Variants in SKIL observed in about 807,000 individuals in gnomAD.
SKIL encodes ski-like protein.
SKIL carries 20 observed loss-of-function variants against 69.6 expected under a neutral mutation model. The ratio of observed to expected loss-of-function variants is 0.29; its 90% confidence interval spans 0.20 to 0.42. SKIL has a LOEUF of 0.42. Among genes scored for constraint, SKIL ranks in the 10% least tolerant of loss-of-function variants. The pLI, the probability that SKIL is intolerant of heterozygous loss-of-function variation, is 1.00. For synonymous variants in SKIL, 310 were observed against 279.9 expected, an observed-to-expected ratio of 1.11 and a Z score of -1.08; for missense variants, 745 against 783.1, an observed-to-expected ratio of 0.95 and a Z score of 0.58.
intron 2 of SKIL, among the ~76,000 whole-genome samples, chr3:170,370,633 G>A (rs1440048938): frequency 2.0e-5 from 3 of 152,062 alleles, no homozygotes; most frequent in African/African-American, 2.4e-5. Flanking sequence ...CCAGCATTTC[G>A]TTTTTATTTG....
At position 170,361,341 on chromosome 3, in the gene SKIL, G is replaced by A; in HGVS notation, c.1010G>A (p.Gly337Glu). The change falls in exon 2 of 7, where the codon GGA becomes GAA. Residue 337 changes from glycine (G) to glutamate (E), a missense_variant. Gly to Glu is a moderately conservative substitution (Grantham distance 98). Transcript: ENST00000259119. ...CTTCATGTGAACCAAAAATACTTAG[G>A]AACACCTGAAGAAAAGAAACTGAAG... ...CYLHVNQKYL[G>E]TPEEKKLKII... 2 of 1,612,922 alleles carry A rather than the reference G, an allele frequency of 1.2e-6. No individual in the cohort carries two copies. The highest frequency in any genetic ancestry group is 1.7e-6 in the Non-Finnish European group (2 of 1,179,712).
intron 3 of SKIL, among the ~76,000 whole-genome samples, chr3:170,383,766 C>T (rs185997422): frequency 1.1e-4 from 17 of 152,230 alleles, no homozygotes; most frequent in African/African-American, 3.9e-4. Flanking sequence ...CTCACTGAGC[C>T]TCCTGTGAGT....
At chr3:170,391,318 TTCTC>T (rs1737905675) in intron 6 of SKIL, 58 bp downstream of exon 6, 1 of 1,000,518 alleles carries the variant, frequency 1.0e-6, no homozygotes, top group Admixed American at 2.6e-5. Context: ...AAACTGTTAC[TTCTC>T]TCTTTTTTTT....
rs562076157 is a variant in SKIL at position 170,370,067 on chromosome 3, G to C, written c.1098+8638G>C. 2.6e-5 allele frequency among the ~76,000 whole-genome samples: 4 copies of C among 151,778 alleles called. No homozygotes were observed. In the South Asian group the frequency reaches 8.3e-4, roughly 32 times the overall value. On this transcript the variant is annotated intron_variant, in intron 2 of 6. Coordinates refer to ENST00000259119, the MANE Select transcript of SKIL (RefSeq NM_005414.5). Reference sequence around the variant, plus strand: ...ATCCTGGCTAACATGGTGAAACCCCGTCTCTACTAAAAATACAAAAAATTA... The same window carrying C: ...ATCCTGGCTAACATGGTGAAACCCCCTCTCTACTAAAAATACAAAAAATTA...
chr3:170,370,765 C>T (rs903363718), intron 2 of SKIL, among the ~76,000 whole-genome samples: 4 of 151,784 alleles, frequency 2.6e-5, no homozygotes, highest in Admixed American at 6.6e-5. Context: ...CATAGTTTGA[C>T]CCTGTCTTTA....
At chr3:170,381,906 C>G (rs910883383) in intron 3 of SKIL, among the ~76,000 whole-genome samples, 2 of 151,392 alleles carry the variant, frequency 1.3e-5, no homozygotes, top group Non-Finnish European at 2.9e-5. Context: ...ACAGTGAAAC[C>G]CTGTCTCTAC....
At chr3:170,389,104 C>T (rs1340671843) in intron 4 of SKIL, among the ~76,000 whole-genome samples, 1 of 151,902 alleles carries the variant, frequency 6.6e-6, no homozygotes, top group Non-Finnish European at 1.5e-5. Flanking sequence ...AACTCCTGAC[C>T]TCAGGTAATC....
Position 170,395,889 on chromosome 3 carries a change from A to C in SKIL, c.*3472A>C, listed in dbSNP as rs916463408. 1 of 149,210 alleles carries C rather than the reference A, an allele frequency of 6.7e-6. No homozygotes were observed. 9.2% of individuals were successfully genotyped at this position (149,210 alleles called of 1,614,324 possible). A position where few individuals can be genotyped will look rare whatever the true frequency, so the allele number is the denominator to read the frequency against. On this transcript the variant is annotated 3_prime_UTR_variant, in exon 7 of 7. Coordinates refer to ENST00000259119, the MANE Select transcript of SKIL (RefSeq NM_005414.5). ...ATAAGGGACATAAAACTGCTGTATT[A>C]TACATTGTGGAATTGAATAAACAGC...
At chr3:170,364,481 G>T (rs957788407) in intron 2 of SKIL, among the ~76,000 whole-genome samples, 4 of 151,886 alleles carry the variant, frequency 2.6e-5, no homozygotes, top group East Asian at 1.9e-4. Flanking sequence ...CCACCACCAT[G>T]CCTAGCTTGT....
Position 170,357,758 on chromosome 3 carries a change from GCACA to G in SKIL, c.-638_-635del. ...CGAGCGGCGACGGCGGCGGCGGCGGGCACAGGTGCGGCTCCGGCTTACGGCGGCG... is the reference window on the plus strand; with the variant it reads ...CGAGCGGCGACGGCGGCGGCGGCGGGGGTGCGGCTCCGGCTTACGGCGGCG... On this transcript the variant is annotated splice_region_variant and 5_prime_UTR_variant, in exon 1 of 7. Transcript: ENST00000259119. The G allele has an allele frequency of 6.1e-6, 1 of 165,228 alleles. No individual in the cohort carries two copies. Among genetic ancestry groups the G allele is most frequent in the Non-Finnish European group, 1.3e-5 (1 of 78,988 alleles). The allele number at this position is 165,228 out of a possible 1,614,324, so 10.2% of individuals were successfully genotyped here.
intron 2 of SKIL, among the ~76,000 whole-genome samples, chr3:170,378,844 G>T (rs1395499173): frequency 1.5e-5 from 2 of 130,238 alleles, no homozygotes; most frequent in African/African-American, 5.7e-5. Flanking sequence ...CAGAATTGGA[G>T]CTTCTTTTAT....
chr3:170,376,534 T>A (rs1453166124), intron 2 of SKIL, among the ~76,000 whole-genome samples: 1 of 152,176 alleles, frequency 6.6e-6, no homozygotes, highest in Admixed American at 6.5e-5. Context: ...TGAATCTAAG[T>A]GGTATACAGA....
Position 170,364,896 on chromosome 3 carries a change from C to G in SKIL, c.1098+3467C>G, listed in dbSNP as rs1487107901. Among the ~76,000 whole-genome samples the G allele has an allele frequency of 2.0e-5, 3 of 151,910 alleles. No individual in the cohort carries two copies. In the East Asian group the frequency reaches 5.8e-4, roughly 29 times the overall value. ...AGGAAGGTGTGAGTTTCTTTCTGAT[C>G]TTTTTGCTGTGTTATATTTTGCAGT... On this transcript the variant is annotated intron_variant, in intron 2 of 6. Transcript: ENST00000259119.
intron 2 of SKIL, among the ~76,000 whole-genome samples, chr3:170,374,177 G>A (rs1736919809): frequency 6.6e-6 from 1 of 152,030 alleles, no homozygotes; most frequent in Admixed American, 6.5e-5. Flanking sequence ...ATGTTTCTTA[G>A]TTTTTACTTA....
chr3:170,362,475 G>C, intron 2 of SKIL, among the ~76,000 whole-genome samples: 1 of 151,864 alleles, frequency 6.6e-6, no homozygotes, highest in East Asian at 1.9e-4. Flanking sequence ...GCGCTCCAGC[G>C]TAGGCGTCGA....
chr3:170,361,724 G>T (rs979655816), intron 2 of SKIL, among the ~76,000 whole-genome samples: 1 of 149,290 alleles, frequency 6.7e-6, no homozygotes, highest in African/African-American at 2.4e-5. Context: ...TAGCCAGGGA[G>T]TGGAGGAGTT....
At chr3:170,366,778 G>A (rs546760831) in intron 2 of SKIL, among the ~76,000 whole-genome samples, 3 of 151,990 alleles carry the variant, frequency 2.0e-5, no homozygotes, top group East Asian at 1.9e-4. Context: ...TACCTGATAC[G>A]AGCTTTTTGT....
Position 170,360,701 on chromosome 3 carries a change from C to G in SKIL, c.370C>G (p.Leu124Val), listed in dbSNP as rs757272736. Residue 124 changes from leucine to valine, a missense_variant, in exon 2 of 7, where the codon CTT becomes GTT. Coordinates refer to ENST00000259119, the MANE Select transcript of SKIL (RefSeq NM_005414.5). ...ESMSPTVFLP[L>V]PSPQVLPGPL... ...CATGTCGCCTACTGTATTTCTGCCT[C>G]TTCCATCACCTCAGGTTCTTCCTGG... 6.2e-7 allele frequency: 1 copy of G among 1,614,104 alleles called. No homozygotes were observed. Among genetic ancestry groups the G allele is most frequent in the East Asian group, 2.2e-5 (1 of 44,900 alleles).
At chr3:170,364,422 C>T (rs139531339) in intron 2 of SKIL, among the ~76,000 whole-genome samples, 335 of 142,676 alleles carry the variant, frequency 2.3e-3, no homozygotes, top group Middle Eastern at 0.02. Flanking sequence ...CTCCCAGATT[C>T]AAGTGATTCT....
Sources: allele counts gnomAD v4.1 joint callset (sites outside exome capture counted in the v4.1 genomes callset), GRCh38; gene constraint gnomAD v4.1.1; transcripts MANE v1.5; gene names NCBI Gene and HGNC (gene_info 2026-07-23, HGNC 2026-07-21).